The following LAMC3 variants were observed in gnomAD, a reference collection of about 807,000 sequenced individuals.
The protein encoded by LAMC3 is laminin subunit gamma-3.
In LAMC3, 128 loss-of-function variants were observed where a neutral mutation model predicts 173.8. The observed-to-expected ratio is 0.74, with a 90% CI of 0.64 to 0.85. LAMC3 has a LOEUF of 0.85. Ranked by LOEUF, LAMC3 falls within the 40% of genes least tolerant of loss-of-function variation. The pLI is 0.00. For synonymous variants in LAMC3, 897 were observed against 909.1 expected (o/e 0.99, Z 0.24); for missense variants, 2,022 against 2,156.0 (o/e 0.94, Z 1.23).
chr9:131,062,391 CTT>C (rs1388945405), intron 13 of LAMC3, among the ~76,000 whole-genome samples: 7 of 152,076 alleles, frequency 4.6e-5, no homozygotes. Flanking sequence ...AATTCAATGA[CTT>C]TTGACATGTT....
chr9:131,022,636 C>CT (rs1334919250), intron 1 of LAMC3, among the ~76,000 whole-genome samples: 1 of 152,148 alleles, frequency 6.6e-6, no homozygotes, highest in Admixed American at 6.5e-5. Flanking sequence ...TCACAGCTCA[C>CT]TGTGGCCTCT....
chr9:131,010,178 A>T (rs1044731146), intron 1 of LAMC3, among the ~76,000 whole-genome samples: 1 of 142,200 alleles, frequency 7.0e-6, no homozygotes, highest in Non-Finnish European at 1.5e-5. Flanking sequence ...AAAAAAAAAA[A>T]GCTGGGCGTG....
intron 1 of LAMC3, among the ~76,000 whole-genome samples, chr9:131,014,160 C>T (rs1247810218): frequency 6.6e-6 from 1 of 152,236 alleles, no homozygotes; most frequent in South Asian, 2.1e-4. Flanking sequence ...GTGGCAAAGC[C>T]CAGGATGGGT....
intron 20 of LAMC3, among the ~76,000 whole-genome samples, chr9:131,074,231 A>G (rs2133329631): frequency 6.7e-6 from 1 of 149,018 alleles, no homozygotes; most frequent in Non-Finnish European, 1.5e-5. Flanking sequence ...TACAGGCGTG[A>G]GCCACCGCGC....
chr9:131,047,605 A>G (rs1834194516), intron 8 of LAMC3, among the ~76,000 whole-genome samples: 1 of 148,458 alleles, frequency 6.7e-6, no homozygotes, highest in African/African-American at 2.5e-5. Flanking sequence ...TAATCCCAGC[A>G]CTCTGGGAGG....
At chr9:131,072,916 C>G in intron 19 of LAMC3, 81 bp downstream of exon 19, 4 of 1,356,676 alleles carry the variant, frequency 2.9e-6, no homozygotes, top group Non-Finnish European at 3.1e-6. Flanking sequence ...GACCTGGTGA[C>G]CTTGGGTATG....
chr9:131,050,723 G>A (rs926843896), intron 9 of LAMC3, among the ~76,000 whole-genome samples: 3 of 151,510 alleles, frequency 2.0e-5, no homozygotes, highest in African/African-American at 7.3e-5. Flanking sequence ...AGCCAGGATT[G>A]CACCACTACA....
chr9:131,010,253 A>G (rs1015895750), intron 1 of LAMC3, among the ~76,000 whole-genome samples: 5 of 149,792 alleles, frequency 3.3e-5, no homozygotes, highest in African/African-American at 9.8e-5. Flanking sequence ...TAAGACTGAG[A>G]GGTTGAGGCT....
At chr9:131,066,792 A>G (rs945922447) in intron 13 of LAMC3, among the ~76,000 whole-genome samples, 168 bp from the exon 14 acceptor site, 4 of 152,178 alleles carry the variant, frequency 2.6e-5, no homozygotes, top group African/African-American at 7.2e-5. Flanking sequence ...TGGCTTGCTC[A>G]GGACCACACA....
intron 22 of LAMC3, among the ~76,000 whole-genome samples, chr9:131,078,664 A>G (rs1016986573): frequency 1.2e-4 from 18 of 152,204 alleles, no homozygotes; most frequent in African/African-American, 4.3e-4. Context: ...AGCACCACTC[A>G]GGGTGTTAGG....
At position 131,039,017 on chromosome 9, in the gene LAMC3, G is replaced by T. The variant is rs375139277; in HGVS notation, c.1130G>T (p.Arg377Leu). 6.2e-7 allele frequency: 1 copy of T among 1,613,540 alleles called. No homozygotes were observed. Among genetic ancestry groups the T allele is most frequent in the Admixed American group, 1.7e-5 (1 of 60,020 alleles). The change falls in exon 5 of 28, where the codon CGG (arginine) becomes CTG (leucine). Residue 377 changes from arginine (R) to leucine (L), a missense_variant. Transcript: ENST00000361069. Reference protein sequence around the residue: ...CQENFYHWDPRMPCQPCDCQS... With the variant: ...CQENFYHWDPLMPCQPCDCQS... Reference sequence around the variant, plus strand: ...GAGAATTTCTATCACTGGGACCCGCGGATGCCATGCCAGCCCTGTGACTGC... The same window carrying T: ...GAGAATTTCTATCACTGGGACCCGCTGATGCCATGCCAGCCCTGTGACTGC...
At position 131,026,326 on chromosome 9, in the gene LAMC3, A is replaced by G; in HGVS notation, c.415A>G (p.Thr139Ala). The change falls in exon 2 of 28, where the codon ACC becomes GCC. Residue 139 changes from threonine (T) to alanine (A), a missense_variant. Thr to Ala is a moderately conservative substitution (Grantham distance 58). Coordinates refer to ENST00000361069, the MANE Select transcript of LAMC3 (RefSeq NM_006059.4). The surrounding 1 kb of genome is among the most constrained non-coding windows in gnomAD (Gnocchi z 4.8). ...EITYVRLKFHTSRPESFAIYK... is the reference protein window; with the variant it reads ...EITYVRLKFHASRPESFAIYK... ...CACGTATGTGAGGCTGAAGTTCCAC[A>G]CCAGTCGCCCTGAGAGCTTTGCCAT... The G allele has an allele frequency of 5.6e-6, 9 of 1,614,102 alleles. No individual in the cohort carries two copies. The highest frequency in any genetic ancestry group is 6.8e-6 in the Non-Finnish European group (8 of 1,180,012).
In LAMC3 at chr9:131,037,657, C is replaced by T. The variant is rs565655271; in HGVS notation, c.977-1207C>T. ...GCTGAGACTACAGGCACATACATCA[C>T]CATGCCAAGCAATGTTTTATAGAGC... On this transcript the variant is annotated intron_variant, in intron 4 of 27. Transcript: ENST00000361069. 3.9e-5 allele frequency among the ~76,000 whole-genome samples: 6 copies of T among 152,322 alleles called. No homozygotes were observed. The South Asian group carries it at 1.2e-3, about 32-fold the overall frequency.
In LAMC3 at chr9:131,026,856, G is replaced by A. The variant is rs535552025; in HGVS notation, c.678+267G>A. Reference sequence around the variant, plus strand: ...CAAGTAACTGAGATTACAGGTGCCCGCCACGACTCCTGGCTGATTCTTTTT... The same window carrying A: ...CAAGTAACTGAGATTACAGGTGCCCACCACGACTCCTGGCTGATTCTTTTT... On this transcript the variant is annotated intron_variant, in intron 2 of 27. Coordinates refer to ENST00000361069, the MANE Select transcript of LAMC3 (RefSeq NM_006059.4). This position sits in a 1 kb window ranked among gnomAD's most constrained non-coding sequence, Gnocchi z 4.8. 1.3e-5 allele frequency among the ~76,000 whole-genome samples: 2 copies of A among 152,252 alleles called. No homozygotes were observed. The highest frequency in any genetic ancestry group is 2.1e-4 in the South Asian group (1 of 4,828).
At chr9:131,056,294 G>C (rs1054196652) in intron 11 of LAMC3, among the ~76,000 whole-genome samples, 1 of 152,084 alleles carries the variant, frequency 6.6e-6, no homozygotes, top group Non-Finnish European at 1.5e-5. Flanking sequence ...TAGCCCAGGT[G>C]AGTTTCCTAC....
intron 2 of LAMC3, among the ~76,000 whole-genome samples, chr9:131,030,736 T>C (rs955280192): frequency 6.6e-6 from 1 of 152,224 alleles, no homozygotes; most frequent in Non-Finnish European, 1.5e-5. Context: ...CAGGTGGCAC[T>C]TTTTTCTGGA....
intron 21 of LAMC3, 21 bp from the exon 22 acceptor site, chr9:131,077,166 G>C: frequency 6.2e-7 from 1 of 1,612,614 alleles, no homozygotes; most frequent in Non-Finnish European, 8.5e-7. Context: ...ACCCAGCTCC[G>C]TGGCCTCTGC....
chr9:131,058,308 G>A (rs902524806), intron 12 of LAMC3, among the ~76,000 whole-genome samples: 5 of 151,998 alleles, frequency 3.3e-5, no homozygotes, highest in African/African-American at 7.2e-5. Flanking sequence ...TAGAGATGGC[G>A]TTTTACCATG....
rs750722553 is a variant in LAMC3, at chr9:131,087,552, C to T, written c.4307C>T (p.Thr1436Met). Residue 1436 changes from threonine (T) to methionine (M), a missense_variant, in exon 26 of 28, where the codon ACG becomes ATG. Physicochemically the swap from Thr to Met is moderately conservative, Grantham distance 81. Transcript: ENST00000361069. ...ASRLTSQTQA[T>M]LQQASQQVLA... The stretch of plus-strand genomic sequence containing the variant: ...AGGCTCACCAGCCAGACGCAAGCCA[C>T]GCTCCAACAGGCGTCCCAGCAGGTG... 19 of 1,613,934 alleles carry T rather than the reference C, an allele frequency of 1.2e-5. No homozygotes were observed. In the Admixed American group the frequency reaches 1.7e-4, roughly 14 times the overall value.
Sources: gnomAD v4.1 joint callset for allele counts (sites outside exome capture counted in the v4.1 genomes callset) on GRCh38, gnomAD v4.1.1 for gene constraint, Gnocchi (gnomAD v3.1) non-coding constraint, MANE v1.5 for transcripts, NCBI Gene and HGNC (gene_info 2026-07-23, HGNC 2026-07-21) for gene names.